The following AKAP5 variants were observed in gnomAD, a reference collection of about 807,000 sequenced individuals.
AKAP5 encodes the protein A-kinase anchor protein 5.
In AKAP5, 5 loss-of-function variants were observed where a neutral mutation model predicts 13.8. That is an observed-to-expected ratio of 0.36 (90% confidence interval 0.19 to 0.76). The LOEUF (loss-of-function observed/expected upper bound fraction) is 0.76. Ranked by LOEUF, AKAP5 falls within the 30% of genes least tolerant of loss-of-function variation. AKAP5 has a pLI of 0.51. For synonymous variants in AKAP5, 148 were observed against 167.2 expected, an observed-to-expected ratio of 0.89 and a Z score of 0.89; for missense variants, 406 against 484.4, an observed-to-expected ratio of 0.84 and a Z score of 1.52.
rs866951692 is a variant in AKAP5, at chr14:64,469,091, A to G, written c.697A>G (p.Ile233Val). 4 of 1,614,002 alleles carry G rather than the reference A, an allele frequency of 2.5e-6. No individual in the cohort carries two copies. Among genetic ancestry groups the G allele is most frequent in the Non-Finnish European group, 2.5e-6 (3 of 1,179,978 alleles). ...AACGGGAACTCTAATCCTTGAAGAA[A>G]TTGAAACGATCAAGGAAAAACAAGA... ...IQTGTLILEE[I>V]ETIKEKQDVQ... Residue 233 changes from isoleucine (I) to valine (V), a missense_variant, in exon 2 of 2, where the codon ATT (isoleucine) becomes GTT (valine). By Grantham distance (29) the Ile-to-Val change is conservative. Coordinates refer to ENST00000394718, the MANE Select transcript of AKAP5 (RefSeq NM_004857.3).
Position 64,472,251 on chromosome 14 carries a change from T to C in AKAP5, c.*2573T>C, listed in dbSNP as rs1008038365. The C allele has an allele frequency of 3.0e-5, 5 of 167,052 alleles. No individual in the cohort carries two copies. The highest frequency in any genetic ancestry group is 7.3e-5 in the Non-Finnish European group (5 of 68,122). The allele number at this position is 167,052 out of a possible 1,614,324, so 10.3% of individuals were successfully genotyped here. ...AACCATTTTAAAAACCTGACTAAGG[T>C]TGGTGCATTTTACAGTGTATTGAAG... On this transcript the variant is annotated 3_prime_UTR_variant, in exon 2 of 2. Transcript: ENST00000394718.
rs761125451 is a variant in AKAP5, at chr14:64,469,726, C to A, written c.*48C>A. ...GAAAAAACAAGCTTAATGAAGAATT[C>A]TTTTATACATTTGTGGCATTTCTTA... On this transcript the variant is annotated 3_prime_UTR_variant, in exon 2 of 2. Coordinates refer to ENST00000394718, the MANE Select transcript of AKAP5 (RefSeq NM_004857.3). The A allele has an allele frequency of 2.3e-6, 3 of 1,292,330 alleles. No individual in the cohort carries two copies. Among genetic ancestry groups the A allele is most frequent in the African/African-American group, 3.0e-5 (2 of 66,600 alleles). 80.1% of individuals were successfully genotyped at this position (1,292,330 alleles called of 1,614,324 possible).
rs895511863 is a variant in AKAP5, at chr14:64,472,385, G to A, written c.*2707G>A. 6.0e-6 allele frequency: 1 copy of A among 166,910 alleles called. No homozygotes were observed. Among genetic ancestry groups the A allele is most frequent in the Non-Finnish European group, 1.5e-5 (1 of 68,072 alleles). The allele number at this position is 166,910 out of a possible 1,614,324, so 10.3% of individuals were successfully genotyped here. On this transcript the variant is annotated 3_prime_UTR_variant, in exon 2 of 2. Transcript: ENST00000394718. ...AAAGTATAGTACTTAGCAGTTATTG[G>A]AAATATTTTGGGGGATTTTTAAAAA...
At position 64,474,024 on chromosome 14, in the gene AKAP5, C is replaced by T. The variant is rs1596595186; in HGVS notation, c.*4346C>T. 6.0e-6 allele frequency: 1 copy of T among 167,134 alleles called. No individual in the cohort carries two copies. Among genetic ancestry groups the T allele is most frequent in the East Asian group, 1.9e-4 (1 of 5,192 alleles). 10.4% of individuals were successfully genotyped at this position (167,134 alleles called of 1,614,324 possible). ...ACACACGTATTAGGCATAACTCATA[C>T]CTAACACTATTTGATAAGGGAGACA... On this transcript the variant is annotated 3_prime_UTR_variant, in exon 2 of 2. Coordinates refer to ENST00000394718, the MANE Select transcript of AKAP5 (RefSeq NM_004857.3).
At position 64,468,640 on chromosome 14, in the gene AKAP5, C is replaced by G. The variant is rs777470456; in HGVS notation, c.246C>G (p.Leu82=). 2 of 1,613,942 alleles carry G rather than the reference C, an allele frequency of 1.2e-6. No homozygotes were observed. Among genetic ancestry groups the G allele is most frequent in the South Asian group, 1.1e-5 (1 of 91,084 alleles). ...CCACACGGGGGGCCTGGGCCTCACT[C>G]AAACGTCTTGTAACACGCAGGAAAA... is the stretch of plus-strand genomic sequence containing the variant. ...PEPTRGAWAS[L]KRLVTRRKRS... Residue 82 remains leucine (L), a synonymous_variant, in exon 2 of 2, where the codon CTC becomes CTG. Transcript: ENST00000394718.
At position 64,469,568 on chromosome 14, in the gene AKAP5, T is replaced by A; in HGVS notation, c.1174T>A (p.Leu392Ile). Reference sequence around the variant, plus strand: ...AACTTCAGAACAATATGAAACACTCTTAATTGAAACAGCCTCTTCTCTAGT... The same window carrying A: ...AACTTCAGAACAATATGAAACACTCATAATTGAAACAGCCTCTTCTCTAGT... ...DRTSEQYETLLIETASSLVKN... is the reference protein window; with the variant it reads ...DRTSEQYETLIIETASSLVKN... The change falls in exon 2 of 2, where the codon TTA (leucine) becomes ATA (isoleucine). Residue 392 changes from leucine to isoleucine, a missense_variant. Transcript: ENST00000394718. The A allele has an allele frequency of 6.2e-7, 1 of 1,613,882 alleles. No homozygotes were observed. Among genetic ancestry groups the A allele is most frequent in the Non-Finnish European group, 8.5e-7 (1 of 1,179,898 alleles).
Position 64,470,008 on chromosome 14 carries a change from TTAA to T in AKAP5, c.*332_*334del, listed in dbSNP as rs1387989102. 4.9e-6 allele frequency: 1 copy of T among 203,958 alleles called. No homozygotes were observed. The highest frequency in any genetic ancestry group is 1.1e-5 in the Non-Finnish European group (1 of 93,284). 12.6% of individuals were successfully genotyped at this position (203,958 alleles called of 1,614,324 possible). The stretch of plus-strand genomic sequence containing the variant: ...GCACTTATGGTATGCCATAAGCTTT[TTAA>T]TGACCTCTGATATAACAAAGTCTGG... On this transcript the variant is annotated 3_prime_UTR_variant, in exon 2 of 2. Coordinates refer to ENST00000394718, the MANE Select transcript of AKAP5 (RefSeq NM_004857.3).
rs1181768713 is a variant in AKAP5 at position 64,471,022 on chromosome 14, A to G, written c.*1344A>G. On this transcript the variant is annotated 3_prime_UTR_variant, in exon 2 of 2. Transcript: ENST00000394718. ...ATGAGCCATGAATGTGGGTGAATAG[A>G]AAAGTGAAAAGTTATTGCTAAAGCA... is the stretch of plus-strand genomic sequence containing the variant. The G allele has an allele frequency of 6.0e-6, 1 of 167,128 alleles. No homozygotes were observed. The highest frequency in any genetic ancestry group is 1.5e-5 in the Non-Finnish European group (1 of 68,128). The allele number at this position is 167,128 out of a possible 1,614,324, so 10.4% of individuals were successfully genotyped here.
At position 64,469,690 on chromosome 14, in the gene AKAP5, G is replaced by C; in HGVS notation, c.*12G>C. 1 of 1,521,168 alleles carries C rather than the reference G, an allele frequency of 6.6e-7. No homozygotes were observed. Among genetic ancestry groups the C allele is most frequent in the Non-Finnish European group, 8.8e-7 (1 of 1,135,360 alleles). The allele number at this position is 1,521,168 out of a possible 1,614,324, so 94.2% of individuals were successfully genotyped here. On this transcript the variant is annotated 3_prime_UTR_variant, in exon 2 of 2. Coordinates refer to ENST00000394718, the MANE Select transcript of AKAP5 (RefSeq NM_004857.3). Reference sequence around the variant, plus strand: ...ATCTTCTACAGTGACTTACTCTCCAGAGTCACGGCAGAAAAAACAAGCTTA... The same window carrying C: ...ATCTTCTACAGTGACTTACTCTCCACAGTCACGGCAGAAAAAACAAGCTTA...
At chr14:64,465,923 A>T (rs896027028) in intron 1 of AKAP5, among the ~76,000 whole-genome samples, 1 of 152,148 alleles carries the variant, frequency 6.6e-6, no homozygotes, top group African/African-American at 2.4e-5. Context: ...TTACATTATA[A>T]TTCTGCAGAC....
Position 64,468,408 on chromosome 14 carries a change from T to C in AKAP5, c.14T>C (p.Ile5Thr), listed in dbSNP as rs913824455. The C allele has an allele frequency of 1.2e-6, 2 of 1,601,816 alleles. No individual in the cohort carries two copies. Among genetic ancestry groups the C allele is most frequent in the African/African-American group, 1.4e-5 (1 of 74,026 alleles). Residue 5 changes from isoleucine (I) to threonine (T), a missense_variant, in exon 2 of 2, where the codon ATT becomes ACT. Physicochemically the swap from Ile to Thr is moderately conservative, Grantham distance 89. Coordinates refer to ENST00000394718, the MANE Select transcript of AKAP5 (RefSeq NM_004857.3). METT[I>T]SEIHVENKDE... ...TGCAGTGTAAAAATGGAAACCACAA[T>C]TTCAGAAATTCATGTAGAAAACAAG... is the stretch of plus-strand genomic sequence containing the variant.
In AKAP5 at chr14:64,472,765, CAG is replaced by C. The variant is rs1201572846; in HGVS notation, c.*3090_*3091del. On this transcript the variant is annotated 3_prime_UTR_variant, in exon 2 of 2. Transcript: ENST00000394718. ...GAAATATGCAGAAATCAGATGGCTT[CAG>C]AGTCATAAAATATTTTTCTTGTAAT... The C allele has an allele frequency of 6.0e-6, 1 of 166,710 alleles. No homozygotes were observed. Among genetic ancestry groups the C allele is most frequent in the Non-Finnish European group, 1.5e-5 (1 of 68,082 alleles). The allele number at this position is 166,710 out of a possible 1,614,324, so 10.3% of individuals were successfully genotyped here. A position where few individuals can be genotyped will look rare whatever the true frequency, so the allele number is the denominator to read the frequency against.
At position 64,472,535 on chromosome 14, in the gene AKAP5, G is replaced by A. The variant is rs1555341295; in HGVS notation, c.*2857G>A. 3 of 166,806 alleles carry A rather than the reference G, an allele frequency of 1.8e-5. No homozygotes were observed. The South Asian group carries it at 6.2e-4, about 35-fold the overall frequency. 10.3% of individuals were successfully genotyped at this position (166,806 alleles called of 1,614,324 possible). A position where few individuals can be genotyped will look rare whatever the true frequency, so the allele number is the denominator to read the frequency against. ...TATTTTTGGTTAGAATGTACTGATT[G>A]TTTTTATGATAAGATGTATATTTTA... On this transcript the variant is annotated 3_prime_UTR_variant, in exon 2 of 2. Transcript: ENST00000394718.
At position 64,468,565 on chromosome 14, in the gene AKAP5, T is replaced by A; in HGVS notation, c.171T>A (p.Asp57Glu). ...CCAAAGCTGGCTCTGAAGCTGCTGATGTGGCAAGGAAGTGTCCACAAGAAG... is the reference window on the plus strand; with the variant it reads ...CCAAAGCTGGCTCTGAAGCTGCTGAAGTGGCAAGGAAGTGTCCACAAGAAG... ...LKPKAGSEAADVARKCPQEAG... is the reference protein window; with the variant it reads ...LKPKAGSEAAEVARKCPQEAG... The change falls in exon 2 of 2, where the codon GAT becomes GAA. Residue 57 changes from aspartate to glutamate, a missense_variant. Physicochemically the swap from Asp to Glu is conservative, Grantham distance 45. Coordinates refer to ENST00000394718, the MANE Select transcript of AKAP5 (RefSeq NM_004857.3). 6.2e-7 allele frequency: 1 copy of A among 1,614,050 alleles called. No individual in the cohort carries two copies. Among genetic ancestry groups the A allele is most frequent in the Non-Finnish European group, 8.5e-7 (1 of 1,180,034 alleles).
rs1000826772 is a variant in AKAP5 at position 64,466,614 on chromosome 14, A to T, written c.-264+1001A>T. ...TTAGTTCCGTCATTGTTCTAGAATG[A>T]CTTTATCTTTCTGTTAGAGGCACAC... On this transcript the variant is annotated intron_variant, in intron 1 of 1. Transcript: ENST00000394718. Among the ~76,000 whole-genome samples the T allele has an allele frequency of 4.6e-5, 7 of 152,324 alleles. 1 individual carries two copies.
At position 64,469,535 on chromosome 14, in the gene AKAP5, G is replaced by C. The variant is rs569529233; in HGVS notation, c.1141G>C (p.Glu381Gln). The C allele has an allele frequency of 1.7e-5, 27 of 1,613,914 alleles. No individual in the cohort carries two copies. In the South Asian group the frequency reaches 2.7e-4, roughly 16 times the overall value. ...GGTTTTTGCTAATGATAATGGTTTTGAGGATAGAACTTCAGAACAATATGA... is the reference window on the plus strand; with the variant it reads ...GGTTTTTGCTAATGATAATGGTTTTCAGGATAGAACTTCAGAACAATATGA... Reference protein sequence around the residue: ...VGVFANDNGFEDRTSEQYETL... With the variant: ...VGVFANDNGFQDRTSEQYETL... The change falls in exon 2 of 2, where the codon GAG (glutamate) becomes CAG (glutamine). Residue 381 changes from glutamate to glutamine, a missense_variant. Physicochemically the swap from Glu to Gln is conservative, Grantham distance 29. Transcript: ENST00000394718.
rs577844234 is a variant in AKAP5, at chr14:64,469,637, A to G, written c.1243A>G (p.Met415Val). Reference sequence around the variant, plus strand: ...GTCAATAGAACAGCTGGTTAATGAAATGGCCTCTGATGATAATAAAATAAA... The same window carrying G: ...GTCAATAGAACAGCTGGTTAATGAAGTGGCCTCTGATGATAATAAAATAAA... ...QLSIEQLVNE[M>V]ASDDNKINNL... Residue 415 changes from methionine to valine, a missense_variant, in exon 2 of 2, where the codon ATG (methionine) becomes GTG (valine). Met to Val is a conservative substitution (Grantham distance 21). Transcript: ENST00000394718. 18 of 1,598,980 alleles carry G rather than the reference A, an allele frequency of 1.1e-5. No individual in the cohort carries two copies. In the East Asian group the frequency reaches 3.6e-4, roughly 32 times the overall value.
intron 1 of AKAP5, 99 bp downstream of exon 1, chr14:64,465,712 G>A (rs2078605901): frequency 6.6e-6 from 1 of 152,198 alleles, no homozygotes; most frequent in Non-Finnish European, 1.5e-5. Flanking sequence ...CACTGGATAC[G>A]GGGTATCCGA....
chr14:64,468,286 C>T lies in AKAP5; in HGVS notation c.-109C>T. Reference sequence around the variant, plus strand: ...GAGTAAGATGAAAGGTATGAATATGCCTGGAAGAAATTTTACCTAGTGTGA... The same window carrying T: ...GAGTAAGATGAAAGGTATGAATATGTCTGGAAGAAATTTTACCTAGTGTGA... On this transcript the variant is annotated 5_prime_UTR_variant, in exon 2 of 2. Transcript: ENST00000394718. The T allele has an allele frequency of 9.6e-7, 1 of 1,038,762 alleles. No homozygotes were observed. The highest frequency in any genetic ancestry group is 1.4e-6 in the Non-Finnish European group (1 of 727,168). 64.3% of individuals were successfully genotyped at this position (1,038,762 alleles called of 1,614,324 possible).
Sources: allele counts gnomAD v4.1 joint callset (sites outside exome capture counted in the v4.1 genomes callset), GRCh38; gene constraint gnomAD v4.1.1; transcripts MANE v1.5; gene names NCBI Gene and HGNC (gene_info 2026-07-23, HGNC 2026-07-21).